The following IGHMBP2 variants were observed in gnomAD, a reference collection of about 807,000 sequenced individuals.
IGHMBP2 encodes the protein DNA-binding protein SMUBP-2.
A neutral mutation model predicts 96.0 loss-of-function variants in IGHMBP2; 81 were observed. The ratio of observed to expected loss-of-function variants is 0.84; its 90% CI spans 0.71 to 1.01. The LOEUF is 1.01. IGHMBP2 is among the 50% of genes least tolerant of loss of function. IGHMBP2 has a pLI of 0.00. For synonymous variants in IGHMBP2, 557 were observed against 548.9 expected (o/e 1.01, Z -0.21); for missense variants, 1,227 against 1,306.3 (o/e 0.94, Z 0.94).
At position 68,936,448 on chromosome 11, in the gene IGHMBP2, C is replaced by T; in HGVS notation, c.1968C>T (p.Ser656=). ...CAGAAAACTATTCCCATGAGAACTC[C>T]CAGGGTTCCAGCCACGCTGCCACCA... The part of the protein sequence containing the change: ...IVPENYSHEN[S]QGSSHAATKP... The change falls in exon 13 of 15, where the codon TCC becomes TCT. Residue 656 remains serine (S), a synonymous_variant. Coordinates refer to ENST00000255078, the MANE Select transcript of IGHMBP2 (RefSeq NM_002180.3). 6.2e-7 allele frequency: 1 copy of T among 1,614,024 alleles called. No individual in the cohort carries two copies. The highest frequency in any genetic ancestry group is 1.1e-5 in the South Asian group (1 of 91,086).
intron 2 of IGHMBP2, among the ~76,000 whole-genome samples, chr11:68,906,993 T>C (rs989903593): frequency 2.7e-5 from 4 of 150,130 alleles, no homozygotes; most frequent in African/African-American, 9.8e-5. Context: ...TACACGTGAC[T>C]GGGTGCCTGT....
chr11:68,915,501 G>T (rs1361917647), intron 6 of IGHMBP2, among the ~76,000 whole-genome samples: 10 of 144,292 alleles, frequency 6.9e-5, no homozygotes, highest in African/African-American at 7.7e-5. Context: ...TTTTTTTTTT[G>T]AGATGGAGTC....
At chr11:68,927,133 T>C (rs1248622719) in intron 7 of IGHMBP2, among the ~76,000 whole-genome samples, 2 of 152,236 alleles carry the variant, frequency 1.3e-5, no homozygotes, top group African/African-American at 4.8e-5. Context: ...ACGTGCCTTG[T>C]AGTTTTTTGT....
chr11:68,904,852 G>C (rs1858124386), intron 1 of IGHMBP2, among the ~76,000 whole-genome samples: 1 of 136,342 alleles, frequency 7.3e-6, no homozygotes. Context: ...AGGCTGGAGT[G>C]CAGTGGCACG....
At chr11:68,914,321 T>C (rs984056790) in intron 5 of IGHMBP2, among the ~76,000 whole-genome samples, 2 of 151,374 alleles carry the variant, frequency 1.3e-5, no homozygotes, top group African/African-American at 2.4e-5. Flanking sequence ...AAGAAAAATA[T>C]AGTGGAGCTA....
intron 2 of IGHMBP2, among the ~76,000 whole-genome samples, chr11:68,906,743 A>G (rs1396678692): frequency 1.3e-5 from 2 of 150,846 alleles, no homozygotes; most frequent in African/African-American, 4.9e-5. Flanking sequence ...CCGGGGTTCA[A>G]GTGATTCTCC....
At chr11:68,938,422 G>A in intron 14 of IGHMBP2, 68 bp downstream of exon 14, 1 of 1,420,988 alleles carries the variant, frequency 7.0e-7, no homozygotes. Flanking sequence ...CCAGGAAGCA[G>A]ACCCTGGGCA....
At position 68,917,718 on chromosome 11, in the gene IGHMBP2, C is replaced by T; in HGVS notation, c.913-18C>T. On this transcript the variant is annotated intron_variant, in intron 6 of 14. Transcript: ENST00000255078. ...AGTTGGACTGAAGTAAGTGTATCTC[C>T]TTTGTTTTTCTTTATAGGTGAAAAA... The T allele has an allele frequency of 6.2e-7, 1 of 1,601,646 alleles. No individual in the cohort carries two copies. Among genetic ancestry groups the T allele is most frequent in the Non-Finnish European group, 8.5e-7 (1 of 1,169,656 alleles).
intron 4 of IGHMBP2, 145 bp from the exon 5 acceptor site, chr11:68,911,295 T>C: frequency 1.3e-6 from 1 of 758,794 alleles, no homozygotes; most frequent in Non-Finnish European, 2.3e-6. Flanking sequence ...GCAGACTTAA[T>C]TTTGTGTTGA....
intron 8 of IGHMBP2, 49 bp from the exon 9 acceptor site, chr11:68,933,250 G>A (rs762059067): frequency 1.3e-6 from 2 of 1,563,306 alleles, no homozygotes; most frequent in African/African-American, 1.3e-5. Context: ...TTCACACCTG[G>A]ACTCTGGGGC....
intron 7 of IGHMBP2, among the ~76,000 whole-genome samples, chr11:68,920,629 C>T (rs142868287): frequency 3.9e-5 from 6 of 152,136 alleles, no homozygotes; most frequent in Non-Finnish European, 7.4e-5. Context: ...ACAACAGACA[C>T]GTGCTATCAC....
At position 68,936,889 on chromosome 11, in the gene IGHMBP2, C is replaced by T. The variant is rs781002308; in HGVS notation, c.2409C>T (p.Ala803=). The change falls in exon 13 of 15, where the codon GCC becomes GCT. Residue 803 remains alanine (A), a synonymous_variant. Transcript: ENST00000255078. ...LGPPAGTGGP[A]PLQPVPPTPA... ...CCCCAGCAGGGACCGGTGGCCCAGC[C>T]CCTCTCCAGCCAGTGCCCCCTACCC... The T allele has an allele frequency of 5.0e-6, 8 of 1,609,356 alleles. No individual in the cohort carries two copies. The highest frequency in any genetic ancestry group is 3.4e-5 in the Admixed American group (2 of 59,532).
chr11:68,938,079 C>A, intron 13 of IGHMBP2, 103 bp from the exon 14 acceptor site: 1 of 1,301,856 alleles, frequency 7.7e-7, no homozygotes, highest in Non-Finnish European at 1.1e-6. Context: ...GCTGGGATTA[C>A]AGGTGTGAGC....
chr11:68,931,370 C>T lies in IGHMBP2; in HGVS notation c.1236-1929C>T, dbSNP rs7940449. On this transcript the variant is annotated intron_variant, in intron 8 of 14. Transcript: ENST00000255078. ...AAGAGGCCAGGCTCCTGCTTGTTCCCGGCTCCTGCCTGCTTCGTGGAGCAG... is the reference window on the plus strand; with the variant it reads ...AAGAGGCCAGGCTCCTGCTTGTTCCTGGCTCCTGCCTGCTTCGTGGAGCAG... Among the ~76,000 whole-genome samples the T allele has an allele frequency of 4.2e-3, 635 of 152,250 alleles. 2 individuals carry two copies. The highest frequency in any genetic ancestry group is 0.014 in the African/African-American group (593 of 41,560).
In IGHMBP2 at chr11:68,906,159, G is replaced by A. The variant is rs776499527; in HGVS notation, c.177G>A (p.Leu59=). Residue 59 remains leucine (L), a synonymous_variant, in exon 2 of 15, where the codon CTG becomes CTA. Coordinates refer to ENST00000255078, the MANE Select transcript of IGHMBP2 (RefSeq NM_002180.3). ...AGGTATCCAGCCAGCGCACTGGGCT[G>A]TACGGACGGCTGCTGGTCACCTTTG... The part of the protein sequence containing the change: ...KLQVSSQRTG[L]YGRLLVTFEP... The A allele has an allele frequency of 6.2e-7, 1 of 1,614,206 alleles. No homozygotes were observed. Among genetic ancestry groups the A allele is most frequent in the Admixed American group, 1.7e-5 (1 of 60,020 alleles).
At chr11:68,929,112 T>TC in intron 7 of IGHMBP2, 71 bp from the exon 8 acceptor site, 1 of 1,378,778 alleles carries the variant, frequency 7.3e-7, no homozygotes, top group Non-Finnish European at 1.0e-6. Flanking sequence ...TGATGGTGTC[T>TC]CCTCTGGTGT....
In IGHMBP2 at chr11:68,921,598, C is replaced by T. The variant is rs1270411363; in HGVS notation, c.1060+3715C>T. Among the ~76,000 whole-genome samples the T allele has an allele frequency of 3.9e-5, 6 of 152,144 alleles. No homozygotes were observed. In the South Asian group the frequency reaches 6.2e-4, roughly 16 times the overall value. On this transcript the variant is annotated intron_variant, in intron 7 of 14. Transcript: ENST00000255078. ...GCTTTTGTCATATATTTTTCTTATA[C>T]GCATATTCTAAGACTTACAATGCTT...
At chr11:68,919,662 G>C (rs931296114) in intron 7 of IGHMBP2, among the ~76,000 whole-genome samples, 1 of 152,174 alleles carries the variant, frequency 6.6e-6, no homozygotes, top group East Asian at 1.9e-4. Flanking sequence ...ATTGAGAGAG[G>C]GACGTTGAAA....
At chr11:68,926,154 C>T (rs931584687) in intron 7 of IGHMBP2, 1 of 152,050 alleles carries the variant, frequency 6.6e-6, no homozygotes, top group South Asian at 2.1e-4. Flanking sequence ...GATCTTCAGG[C>T]TGGATCTTCT....
Sources: allele counts gnomAD v4.1 joint callset (sites outside exome capture counted in the v4.1 genomes callset), GRCh38; gene constraint gnomAD v4.1.1; transcripts MANE v1.5; gene names NCBI Gene and HGNC (gene_info 2026-07-23, HGNC 2026-07-21).